The following CDKAL1 variants were observed in gnomAD, a reference collection of about 807,000 sequenced individuals.
CDKAL1 encodes CDKAL1 threonylcarbamoyladenosine tRNA methylthiotransferase, also known as threonylcarbamoyladenosine tRNA methylthiotransferase.
A neutral mutation model predicts 68.2 loss-of-function variants in CDKAL1; 32 were observed. That is an observed-to-expected ratio of 0.47 (90% CI 0.35 to 0.63). The LOEUF is 0.63. Ranked by LOEUF, CDKAL1 falls within the 30% of genes least tolerant of loss-of-function variation. CDKAL1 has a pLI of 0.00. For missense variants in CDKAL1, 606 were observed against 696.7 expected, an observed-to-expected ratio of 0.87 and a Z score of 1.47; for synonymous variants, 234 against 244.3, an observed-to-expected ratio of 0.96 and a Z score of 0.39.
chr6:21,122,620 TTTTA>T (rs80146010), intron 13 of CDKAL1, among the ~76,000 whole-genome samples: 75,338 of 148,372 alleles, frequency 0.51, 19,718 homozygotes, highest in East Asian at 0.68. Flanking sequence ...TGTTACTGTA[TTTTA>T]TTTATTTATT....
At chr6:20,672,610 C>A (rs1207058216) in intron 5 of CDKAL1, among the ~76,000 whole-genome samples, 1 of 152,124 alleles carries the variant, frequency 6.6e-6, no homozygotes, top group African/African-American at 2.4e-5. Flanking sequence ...CCACCTGGGC[C>A]TCCCGCAGTG....
chr6:21,107,223 A>G (rs1209623950), intron 12 of CDKAL1, among the ~76,000 whole-genome samples: 2 of 152,134 alleles, frequency 1.3e-5, no homozygotes, highest in Non-Finnish European at 2.9e-5. Flanking sequence ...CTGGGATTAC[A>G]GGCGTGAGCC....
chr6:20,854,774 T>G (rs4236002), intron 9 of CDKAL1, among the ~76,000 whole-genome samples: 112,854 of 152,188 alleles, frequency 0.74, 44,333 homozygotes, highest in East Asian at 0.9. Context: ...ATTGGTGAGT[T>G]TTATTTACGT....
intron 10 of CDKAL1, among the ~76,000 whole-genome samples, chr6:20,999,207 G>A (rs959199926): frequency 6.6e-5 from 10 of 152,136 alleles, no homozygotes; most frequent in Admixed American, 5.9e-4. Flanking sequence ...GGCCGTATGT[G>A]CCTGCTGTCT....
At chr6:20,784,835 G>T (rs1016095754) in intron 8 of CDKAL1, among the ~76,000 whole-genome samples, 1 of 151,966 alleles carries the variant, frequency 6.6e-6, no homozygotes, top group Non-Finnish European at 1.5e-5. Context: ...TATAAGTTAT[G>T]AGTTCTTGTT....
intron 8 of CDKAL1, chr6:20,799,852 G>A (rs1776293930): frequency 6.6e-6 from 1 of 152,206 alleles, no homozygotes; most frequent in Non-Finnish European, 1.5e-5. Flanking sequence ...TATTGCTTTG[G>A]AACTTGTGCC....
intron 8 of CDKAL1, among the ~76,000 whole-genome samples, chr6:20,843,029 G>A (rs1468044264): frequency 2.0e-5 from 3 of 151,850 alleles, no homozygotes; most frequent in Non-Finnish European, 4.4e-5. Context: ...TTTTCCGTGG[G>A]GAATACATTT....
intron 5 of CDKAL1, among the ~76,000 whole-genome samples, chr6:20,692,851 G>C (rs573253373): frequency 6.1e-4 from 93 of 152,186 alleles, no homozygotes; most frequent in African/African-American, 2.1e-3. Context: ...TTGTGGCCGG[G>C]TGCGGTGGCT....
At chr6:20,792,399 G>C (rs562517582) in intron 8 of CDKAL1, among the ~76,000 whole-genome samples, 4 of 152,074 alleles carry the variant, frequency 2.6e-5, no homozygotes, top group Non-Finnish European at 4.4e-5. Flanking sequence ...GTATATTTTT[G>C]TGGTTCTTTT....
intron 9 of CDKAL1, among the ~76,000 whole-genome samples, chr6:20,860,900 A>G (rs190280014): frequency 3.3e-5 from 5 of 150,976 alleles, no homozygotes; most frequent in Admixed American, 6.6e-5. Context: ...TGGAATTTAG[A>G]TCTGTTTAGA....
chr6:20,577,257 A>G (rs1292401561), intron 4 of CDKAL1, among the ~76,000 whole-genome samples: 1 of 152,250 alleles, frequency 6.6e-6, no homozygotes, highest in African/African-American at 2.4e-5. Context: ...TTAAGAGAAT[A>G]AGGACCAGTT....
rs1331643831 is a variant in CDKAL1, at chr6:20,849,601, AC to A, written c.742+3424del. Among the ~76,000 whole-genome samples the A allele has an allele frequency of 1.6e-3, 234 of 146,082 alleles. 7 individuals are homozygous for A. In the South Asian group the frequency reaches 0.047, roughly 29 times the overall value. ...CCGTCTCAAAAAAAAAAAAAAAAAAACATTATGAAGAAGAAATATTACTTAA... is the reference window on the plus strand; with the variant it reads ...CCGTCTCAAAAAAAAAAAAAAAAAAAATTATGAAGAAGAAATATTACTTAA... On this transcript the variant is annotated intron_variant, in intron 9 of 15. Coordinates refer to ENST00000274695, the MANE Select transcript of CDKAL1 (RefSeq NM_017774.3).
At chr6:20,885,933 AC>A (rs1367040390) in intron 9 of CDKAL1, among the ~76,000 whole-genome samples, 2 of 152,016 alleles carry the variant, frequency 1.3e-5, no homozygotes, top group African/African-American at 4.8e-5. Flanking sequence ...AAATAAAAAA[AC>A]AAAAATTACC....
At chr6:21,111,090 T>A (rs980457814) in intron 13 of CDKAL1, among the ~76,000 whole-genome samples, 1 of 152,222 alleles carries the variant, frequency 6.6e-6, no homozygotes, top group African/African-American at 2.4e-5. Flanking sequence ...TGTTCATTAT[T>A]TTATTCTGCA....
chr6:20,907,893 T>C (rs1391562128), intron 9 of CDKAL1, among the ~76,000 whole-genome samples: 3 of 152,154 alleles, frequency 2.0e-5, no homozygotes, highest in Non-Finnish European at 4.4e-5. Context: ...TGTTGGTCAA[T>C]AGGGTCCACT....
At chr6:20,609,049 CTT>C (rs1309432963) in intron 4 of CDKAL1, among the ~76,000 whole-genome samples, 1 of 152,142 alleles carries the variant, frequency 6.6e-6, no homozygotes, top group Non-Finnish European at 1.5e-5. Context: ...ATGTCTGTGT[CTT>C]TATCTGTGTT....
intron 10 of CDKAL1, among the ~76,000 whole-genome samples, chr6:20,978,258 A>G (rs1051674217): frequency 6.6e-5 from 10 of 152,188 alleles, no homozygotes; most frequent in Non-Finnish European, 1.2e-4. Context: ...GATTCAACCA[A>G]TGAGTAGCTC....
intron 5 of CDKAL1, among the ~76,000 whole-genome samples, chr6:20,682,680 G>T (rs1455564525): frequency 6.6e-6 from 1 of 152,162 alleles, no homozygotes; most frequent in East Asian, 1.9e-4. Context: ...TTTTGGTGGG[G>T]ACACAGAGTC....
intron 9 of CDKAL1, among the ~76,000 whole-genome samples, chr6:20,953,843 ACCCATATAT>A (rs1203102044): frequency 3.3e-5 from 5 of 152,128 alleles, no homozygotes. Context: ...AACTATGAAA[ACCCATATAT>A]CCATAATACT....
Sources: allele counts gnomAD v4.1 joint callset (sites outside exome capture counted in the v4.1 genomes callset), GRCh38; gene constraint gnomAD v4.1.1; transcripts MANE v1.5; gene names NCBI Gene and HGNC (gene_info 2026-07-23, HGNC 2026-07-21).